Variants in ABTB2 observed in about 807,000 individuals in gnomAD.
ABTB2 encodes the protein ankyrin repeat and BTB/POZ domain-containing protein 2.
A neutral mutation model predicts 104.1 loss-of-function variants in ABTB2; 56 were observed. The ratio of observed to expected loss-of-function variants is 0.54; its 90% confidence interval spans 0.43 to 0.67. ABTB2 has a LOEUF of 0.67. Ranked by LOEUF, ABTB2 falls within the 30% of genes least tolerant of loss-of-function variation. The pLI, the probability that ABTB2 is intolerant of heterozygous loss-of-function variation, is 0.00. For missense variants in ABTB2, 1,279 were observed against 1,407.7 expected (o/e 0.91, Z 1.46); for synonymous variants, 606 against 608.2 (o/e 1.00, Z 0.05).
chr11:34,264,437 T>C (rs1854223832), intron 1 of ABTB2, among the ~76,000 whole-genome samples: 1 of 152,212 alleles, frequency 6.6e-6, no homozygotes, highest in Non-Finnish European at 1.5e-5. Context: ...GACCAATGCC[T>C]TTGGAAATGT....
chr11:34,260,537 C>T (rs1029982756), intron 1 of ABTB2, among the ~76,000 whole-genome samples: 9 of 152,146 alleles, frequency 5.9e-5, no homozygotes, highest in Admixed American at 1.3e-4. Flanking sequence ...AGTTACTCCT[C>T]GGGATGTTGT....
intron 1 of ABTB2, among the ~76,000 whole-genome samples, chr11:34,294,705 C>A (rs1854599757): frequency 6.6e-6 from 1 of 150,830 alleles, no homozygotes; most frequent in African/African-American, 2.5e-5. Context: ...GCCCTCGTGT[C>A]TCTACAAAAA....
At chr11:34,196,707 A>G (rs1194063853) in intron 3 of ABTB2, among the ~76,000 whole-genome samples, 1 of 152,150 alleles carries the variant, frequency 6.6e-6, no homozygotes, top group Non-Finnish European at 1.5e-5. Context: ...GGGACCCTCT[A>G]GTGAAAGTAC....
intron 1 of ABTB2, among the ~76,000 whole-genome samples, chr11:34,255,535 C>T (rs7935668): frequency 0.29 from 44,607 of 151,660 alleles, 6,866 homozygotes; most frequent in African/African-American, 0.37. Flanking sequence ...CTCTGTTGCG[C>T]AGGCTGGAGT....
Position 34,357,419 on chromosome 11 carries a change from C to G in ABTB2, c.165G>C (p.Trp55Cys). Residue 55 changes from tryptophan (W) to cysteine (C), a missense_variant, in exon 1 of 17, where the codon TGG becomes TGC. Trp to Cys is a radical substitution (Grantham distance 215). Coordinates refer to ENST00000435224, the MANE Select transcript of ABTB2 (RefSeq NM_145804.3). Reference sequence around the variant, plus strand: ...GGCTGTTCATGGAGCCGGAGTAGCACCACCAGGCCGCCCCGCGGTGCTGCT... The same window carrying G: ...GGCTGTTCATGGAGCCGGAGTAGCAGCACCAGGCCGCCCCGCGGTGCTGCT... ...SAQQHRGAAW[W>C]CYSGSMNSRH... 6.5e-7 allele frequency: 1 copy of G among 1,549,076 alleles called. No homozygotes were observed. The highest frequency in any genetic ancestry group is 8.7e-7 in the Non-Finnish European group (1 of 1,146,560).
At chr11:34,253,240 C>G (rs1279738164) in intron 1 of ABTB2, among the ~76,000 whole-genome samples, 2 of 152,222 alleles carry the variant, frequency 1.3e-5, no homozygotes, top group African/African-American at 4.8e-5. Context: ...AGAAGACACA[C>G]TAGAGGCCTG....
At chr11:34,305,176 T>G (rs1854756279) in intron 1 of ABTB2, among the ~76,000 whole-genome samples, 1 of 152,142 alleles carries the variant, frequency 6.6e-6, no homozygotes, top group African/African-American at 2.4e-5. Context: ...GGCTCTTGCA[T>G]CCCCAGGTTT....
chr11:34,172,459 T>C (rs2860423), intron 4 of ABTB2, among the ~76,000 whole-genome samples: 9,213 of 130,400 alleles, frequency 0.071, 555 homozygotes, highest in Admixed American at 0.1. Context: ...GATAGATAGA[T>C]AGATAGATAG....
chr11:34,179,363 G>A (rs1852997085), intron 3 of ABTB2, among the ~76,000 whole-genome samples: 1 of 152,204 alleles, frequency 6.6e-6, no homozygotes, highest in Admixed American at 6.5e-5. Flanking sequence ...GAGTCCCTGG[G>A]ACCTCAGGGG....
intron 3 of ABTB2, among the ~76,000 whole-genome samples, chr11:34,183,354 C>T (rs1590209979): frequency 6.6e-6 from 1 of 152,248 alleles, no homozygotes; most frequent in Non-Finnish European, 1.5e-5. Flanking sequence ...CCTACCTTGG[C>T]ATCCCAAAGT....
At chr11:34,276,727 C>T (rs1168133937) in intron 1 of ABTB2, among the ~76,000 whole-genome samples, 1 of 152,162 alleles carries the variant, frequency 6.6e-6, no homozygotes, top group African/African-American at 2.4e-5. Context: ...GGATGGACGA[C>T]TGGAGCACTA....
At chr11:34,224,612 G>C (rs906405588) in intron 1 of ABTB2, among the ~76,000 whole-genome samples, 1 of 152,158 alleles carries the variant, frequency 6.6e-6, no homozygotes, top group African/African-American at 2.4e-5. Flanking sequence ...CAACCTTGCA[G>C]GGTGGCCTCC....
chr11:34,176,049 A>G (rs1212863382), intron 3 of ABTB2, among the ~76,000 whole-genome samples: 2 of 152,314 alleles, frequency 1.3e-5, no homozygotes, highest in African/African-American at 4.8e-5. Flanking sequence ...TGGTAGGCTG[A>G]GGCAGGTGGA....
intron 1 of ABTB2, among the ~76,000 whole-genome samples, chr11:34,340,340 G>A (rs553902691): frequency 2.6e-5 from 4 of 152,350 alleles, no homozygotes; most frequent in East Asian, 1.9e-4. Flanking sequence ...TACCTGCCAT[G>A]TGCTGGGCTA....
intron 1 of ABTB2, among the ~76,000 whole-genome samples, chr11:34,288,348 C>T (rs937362280): frequency 1.3e-5 from 2 of 152,106 alleles, no homozygotes; most frequent in Non-Finnish European, 2.9e-5. Flanking sequence ...TTTTTCTTCA[C>T]GAATTTCTAT....
chr11:34,198,429 C>CAA (rs1165331649), intron 2 of ABTB2, among the ~76,000 whole-genome samples: 3 of 133,906 alleles, frequency 2.2e-5, no homozygotes, highest in African/African-American at 9.3e-5. Context: ...GACTTTGTCT[C>CAA]AAAAAAACAA....
At chr11:34,301,571 T>C (rs1479572558) in intron 1 of ABTB2, among the ~76,000 whole-genome samples, 1 of 152,232 alleles carries the variant, frequency 6.6e-6, no homozygotes, top group Non-Finnish European at 1.5e-5. Context: ...TGAATTTTGT[T>C]CTCTGAATAA....
At chr11:34,199,276 G>A (rs757583304) in intron 2 of ABTB2, among the ~76,000 whole-genome samples, 3 of 152,090 alleles carry the variant, frequency 2.0e-5, no homozygotes, top group Non-Finnish European at 4.4e-5. Flanking sequence ...TCCCCACCAG[G>A]AAAGTCCTCC....
At chr11:34,272,483 G>A (rs533828780) in intron 1 of ABTB2, among the ~76,000 whole-genome samples, 73 of 151,936 alleles carry the variant, frequency 4.8e-4, no homozygotes, top group African/African-American at 1.7e-3. Context: ...CAAGGCAGGT[G>A]GATCACGAGG....
Sources: allele counts gnomAD v4.1 joint callset (sites outside exome capture counted in the v4.1 genomes callset), GRCh38; gene constraint gnomAD v4.1.1; transcripts MANE v1.5; gene names NCBI Gene and HGNC (gene_info 2026-07-23, HGNC 2026-07-21).